Variants in IL1RAPL1 observed in about 807,000 individuals in gnomAD.
IL1RAPL1 encodes the protein interleukin 1 receptor accessory protein like 1.
A neutral mutation model predicts 48.4 loss-of-function variants in IL1RAPL1; 3 were observed. That is an observed-to-expected ratio of 0.06 (90% CI 0.03 to 0.16). IL1RAPL1 has a LOEUF of 0.16. Among genes scored for constraint, IL1RAPL1 ranks in the 10% least tolerant of loss-of-function variants. The probability of loss-of-function intolerance (pLI) is 1.00; values close to 1 mark genes in which losing one functional copy is unlikely to be tolerated. For missense variants in IL1RAPL1, 349 were observed against 530.6 expected (o/e 0.66, Z 3.36); for synonymous variants, 185 against 187.7 (o/e 0.99, Z 0.12).
At chrX:29,197,467 C>T (rs1930466898) in intron 2 of IL1RAPL1, among the ~76,000 whole-genome samples, 1 of 111,711 alleles carries the variant, frequency 9.0e-6, no homozygotes, top group Admixed American at 9.6e-5. Flanking sequence ...GAGTGAATCA[C>T]TATCTGATTA....
intron 5 of IL1RAPL1, among the ~76,000 whole-genome samples, chrX:29,564,653 G>T (rs573595176): frequency 8.9e-6 from 1 of 112,973 alleles, no homozygotes; most frequent in Non-Finnish European, 1.9e-5. Flanking sequence ...TTAATGGTCC[G>T]TGGGAAGCTA....
At position 29,936,187 on chromosome X, in the gene IL1RAPL1, C is replaced by T. The variant is rs1933029813; in HGVS notation, c.1058-5464C>T. 4.6e-5 allele frequency among the ~76,000 whole-genome samples: 5 copies of T among 109,843 alleles called. No individual in the cohort carries two copies. In the Admixed American group the frequency reaches 4.9e-4, roughly 11 times the overall value. On this transcript the variant is annotated intron_variant, in intron 8 of 10. Coordinates refer to ENST00000378993, the MANE Select transcript of IL1RAPL1 (RefSeq NM_014271.4). Reference sequence around the variant, plus strand: ...TCTTTGTAGGCTGAGCATAATTATCCTCCTGCCAGGAACAAATAAGTTATA... The same window carrying T: ...TCTTTGTAGGCTGAGCATAATTATCTTCCTGCCAGGAACAAATAAGTTATA...
rs112212948 is a variant in IL1RAPL1, at chrX:29,026,545, A to C, written c.82+237120A>C. Among the ~76,000 whole-genome samples, 573 of 111,715 alleles carry C rather than the reference A, an allele frequency of 5.1e-3. 4 individuals carry two copies. Among genetic ancestry groups the C allele is most frequent in the African/African-American group, 0.018 (553 of 30,745 alleles). On this transcript the variant is annotated intron_variant, in intron 2 of 10. Transcript: ENST00000378993. ...CACAACCTGTGTAACAAATCTACAC[A>C]TTCTGCACTTGTATTCTGGAACTTA...
chrX:29,303,032 C>G (rs1932561617), intron 3 of IL1RAPL1, among the ~76,000 whole-genome samples: 1 of 112,165 alleles, frequency 8.9e-6, no homozygotes, highest in Admixed American at 9.5e-5. Flanking sequence ...CTACCTGTTC[C>G]TGATTGAGGG....
At chrX:29,287,440 C>T (rs747117571) in intron 3 of IL1RAPL1, among the ~76,000 whole-genome samples, 100 of 112,136 alleles carry the variant, frequency 8.9e-4, no homozygotes, top group African/African-American at 2.4e-3. Flanking sequence ...GGAATAAATG[C>T]GCAAGAGTGA....
chrX:28,602,088 G>A (rs1179428185), intron 1 of IL1RAPL1, among the ~76,000 whole-genome samples: 1 of 89,340 alleles, frequency 1.1e-5, no homozygotes, highest in Non-Finnish European at 2.1e-5. Context: ...CTGGGCAACA[G>A]AACGAGACTC....
At chrX:29,172,024 T>G (rs1019401545) in intron 2 of IL1RAPL1, among the ~76,000 whole-genome samples, 1 of 112,468 alleles carries the variant, frequency 8.9e-6, no homozygotes, top group African/African-American at 3.2e-5. Context: ...CAAGATGTCT[T>G]TAATAACCCA....
intron 1 of IL1RAPL1, among the ~76,000 whole-genome samples, chrX:28,661,702 T>C (rs1001271888): frequency 8.9e-6 from 1 of 111,764 alleles, no homozygotes; most frequent in Admixed American, 9.5e-5. Flanking sequence ...CAAAATACAA[T>C]ATAAGTTGAT....
At chrX:29,839,151 G>A (rs1199040680) in intron 6 of IL1RAPL1, among the ~76,000 whole-genome samples, 4 of 111,932 alleles carry the variant, frequency 3.6e-5, no homozygotes, top group Admixed American at 9.4e-5. Flanking sequence ...AAAAATCGGG[G>A]GCCATTATTA....
intron 1 of IL1RAPL1, among the ~76,000 whole-genome samples, chrX:28,657,958 C>T (rs895698904): frequency 1.8e-5 from 2 of 112,172 alleles, no homozygotes; most frequent in South Asian, 3.7e-4. Context: ...TAAAATGTAT[C>T]TACTCCTTTA....
chrX:28,919,965 C>T lies in IL1RAPL1; in HGVS notation c.82+130540C>T, dbSNP rs866147824. ...TGTTTAAATTTGTCTGATTGTACTACGGACTGGCAGGCAATAAATTTCATT... is the reference window on the plus strand; with the variant it reads ...TGTTTAAATTTGTCTGATTGTACTATGGACTGGCAGGCAATAAATTTCATT... On this transcript the variant is annotated intron_variant, in intron 2 of 10. Coordinates refer to ENST00000378993, the MANE Select transcript of IL1RAPL1 (RefSeq NM_014271.4). Among the ~76,000 whole-genome samples, 11 of 111,832 alleles carry T rather than the reference C, an allele frequency of 9.8e-5. No individual in the cohort carries two copies. In the South Asian group the frequency reaches 3.0e-3, roughly 30 times the overall value.
chrX:28,751,048 T>TA (rs1357915947), intron 1 of IL1RAPL1, among the ~76,000 whole-genome samples: 2 of 111,988 alleles, frequency 1.8e-5, no homozygotes, highest in African/African-American at 6.5e-5. Flanking sequence ...TTACGTTATA[T>TA]AATAGGACAC....
chrX:29,504,543 G>A (rs952875407), intron 5 of IL1RAPL1, among the ~76,000 whole-genome samples: 4 of 111,702 alleles, frequency 3.6e-5, no homozygotes, highest in Non-Finnish European at 7.5e-5. Context: ...ATTTATAATT[G>A]TTCCATTCTC....
chrX:29,746,854 C>G (rs576531943), intron 6 of IL1RAPL1, among the ~76,000 whole-genome samples: 2 of 112,368 alleles, frequency 1.8e-5, no homozygotes, highest in South Asian at 7.3e-4. Context: ...GTGATCCACC[C>G]GTCTTGGCCT....
chrX:29,837,123 C>T (rs1002451204), intron 6 of IL1RAPL1, among the ~76,000 whole-genome samples: 1 of 106,304 alleles, frequency 9.4e-6, no homozygotes, highest in African/African-American at 3.4e-5. Context: ...ATTAGCCAGG[C>T]GTGGTGGCGG....
At chrX:28,777,303 G>A (rs1936371592) in intron 1 of IL1RAPL1, among the ~76,000 whole-genome samples, 1 of 110,994 alleles carries the variant, frequency 9.0e-6, no homozygotes, top group African/African-American at 3.3e-5. Flanking sequence ...ATTACAATGA[G>A]CCCACCTTGT....
chrX:28,883,033 T>C (rs1198764046), intron 2 of IL1RAPL1, among the ~76,000 whole-genome samples: 1 of 111,526 alleles, frequency 9.0e-6, no homozygotes, highest in East Asian at 2.8e-4. Context: ...TAGAGATCTT[T>C]TATGTGATTG....
At chrX:29,673,967 C>T (rs1274791563) in intron 6 of IL1RAPL1, among the ~76,000 whole-genome samples, 2 of 112,013 alleles carry the variant, frequency 1.8e-5, no homozygotes, top group Admixed American at 9.4e-5. Context: ...AACTAGTATT[C>T]GTATTTTGAG....
chrX:29,729,841 T>G (rs1270434364), intron 6 of IL1RAPL1, among the ~76,000 whole-genome samples: 1 of 111,683 alleles, frequency 9.0e-6, no homozygotes, highest in Non-Finnish European at 1.9e-5. Context: ...TGTCTCTAGA[T>G]CTGCCCTCTA....
Sources: allele counts gnomAD v4.1 joint callset (sites outside exome capture counted in the v4.1 genomes callset), GRCh38; gene constraint gnomAD v4.1.1; transcripts MANE v1.5; gene names NCBI Gene and HGNC (gene_info 2026-07-23, HGNC 2026-07-21).